The following MCCC2 variants were observed in gnomAD, a reference collection of about 807,000 sequenced individuals.
MCCC2 encodes methylcrotonyl-CoA carboxylase subunit 2.
Under a neutral mutation model 77.2 loss-of-function variants are expected in MCCC2, and 52 were observed. The ratio of observed to expected loss-of-function variants is 0.67; its 90% CI spans 0.54 to 0.85. The LOEUF (loss-of-function observed/expected upper bound fraction) is 0.85, where lower values mean the gene tolerates loss of function less well. Ranked by LOEUF, MCCC2 falls within the 40% of genes least tolerant of loss-of-function variation. MCCC2 has a pLI of 0.00. For synonymous variants in MCCC2, 253 were observed against 248.4 expected (o/e 1.02, Z -0.18); for missense variants, 682 against 703.2 (o/e 0.97, Z 0.34).
At chr5:71,597,897 C>G (rs964241840) in intron 3 of MCCC2, among the ~76,000 whole-genome samples, 1 of 152,136 alleles carries the variant, frequency 6.6e-6, no homozygotes. Flanking sequence ...TGGTTAAGAG[C>G]CTGGCCCCTG....
At chr5:71,612,088 G>C (rs1193265635) in intron 6 of MCCC2, among the ~76,000 whole-genome samples, 1 of 152,140 alleles carries the variant, frequency 6.6e-6, no homozygotes. Context: ...ACAGGCATGA[G>C]CCACCGCGCC....
chr5:71,602,395 T>C, intron 4 of MCCC2, 111 bp from the exon 5 acceptor site: 1 of 1,330,056 alleles, frequency 7.5e-7, no homozygotes, highest in Admixed American at 1.7e-5. Flanking sequence ...TGGATGTTAA[T>C]AGTGATACGT....
In MCCC2 at chr5:71,635,946, G is replaced by A. The variant is rs146872479; in HGVS notation, c.999+700G>A. The A allele has an allele frequency of 7.3e-3, 1,161 of 159,510 alleles. 6 individuals carry two copies. Among genetic ancestry groups the A allele is most frequent in the Non-Finnish European group, 0.012 (900 of 72,556 alleles). 9.9% of individuals were successfully genotyped at this position (159,510 alleles called of 1,614,324 possible). A position where few individuals can be genotyped will look rare whatever the true frequency, so the allele number is the denominator to read the frequency against. On this transcript the variant is annotated intron_variant, in intron 10 of 16. Coordinates refer to ENST00000340941, the MANE Select transcript of MCCC2 (RefSeq NM_022132.5). ...ATACAGAAAAGAAAAAAATTAAATT[G>A]CATATAATTCCACCCTCTAGAGAAG... is the stretch of plus-strand genomic sequence containing the variant.
At chr5:71,632,258 T>A in intron 8 of MCCC2, 73 bp downstream of exon 8, 1 of 1,458,982 alleles carries the variant, frequency 6.9e-7, no homozygotes, top group Non-Finnish European at 9.6e-7. Flanking sequence ...AAGTTTTACG[T>A]ATTTGTTTCC....
intron 16 of MCCC2, 61 bp from the exon 17 acceptor site, chr5:71,656,682 G>A: frequency 1.6e-6 from 2 of 1,279,938 alleles, no homozygotes; most frequent in Non-Finnish European, 2.3e-6. Context: ...TCTGCACATG[G>A]AGAGTGTATA....
chr5:71,610,573 C>T (rs188613720), intron 6 of MCCC2, among the ~76,000 whole-genome samples: 25 of 152,284 alleles, frequency 1.6e-4, no homozygotes, highest in African/African-American at 5.5e-4. Context: ...TGTTCCTATT[C>T]GGCCATCTTG....
intron 15 of MCCC2, among the ~76,000 whole-genome samples, chr5:71,651,712 G>A (rs1747442969): frequency 6.6e-6 from 1 of 152,152 alleles, no homozygotes; most frequent in South Asian, 2.1e-4. Context: ...ATTCACTTTA[G>A]TACCTACTAG....
chr5:71,633,131 A>ATATTTTTTTTTTTTT (rs1554137344), intron 8 of MCCC2, among the ~76,000 whole-genome samples: 11 of 78,080 alleles, frequency 1.4e-4, no homozygotes, highest in African/African-American at 2.5e-4. Flanking sequence ...ATATATATAT[A>ATATTTTTTTTTTTTT]TTTTTATTTT....
Position 71,599,601 on chromosome 5 carries a change from G to A in MCCC2, c.282-58G>A, listed in dbSNP as rs148034436. ...ATCTTTTCCTTTTCCATGTGTAACT[G>A]TTTAAATGTGTAGTTTTTAATGACA... On this transcript the variant is annotated intron_variant, in intron 3 of 16. Transcript: ENST00000340941. The A allele has an allele frequency of 3.9e-4, 521 of 1,350,524 alleles. 1 individual carries two copies. The African/African-American group carries it at 6.3e-3, about 16-fold the overall frequency. The allele number at this position is 1,350,524 out of a possible 1,614,324, so 83.7% of individuals were successfully genotyped here.
chr5:71,617,277 A>G (rs927319975), intron 6 of MCCC2, among the ~76,000 whole-genome samples: 5 of 152,106 alleles, frequency 3.3e-5, no homozygotes, highest in Non-Finnish European at 5.9e-5. Context: ...CACATCTCAA[A>G]TGCCACCCTT....
chr5:71,608,132 G>T (rs1192079534), intron 6 of MCCC2, among the ~76,000 whole-genome samples: 1 of 44,030 alleles, frequency 2.3e-5, no homozygotes, highest in African/African-American at 7.7e-5. Flanking sequence ...GGGTATCCTT[G>T]TTGACTTTCT....
In MCCC2 at chr5:71,656,940, A is replaced by G. The variant is rs1012525911; in HGVS notation, c.*80A>G. The G allele has an allele frequency of 6.6e-6, 7 of 1,053,662 alleles. No homozygotes were observed. The Admixed American group carries it at 1.0e-4, about 15-fold the overall frequency. The allele number at this position is 1,053,662 out of a possible 1,614,324, so 65.3% of individuals were successfully genotyped here. A position where few individuals can be genotyped will look rare whatever the true frequency, so the allele number is the denominator to read the frequency against. On this transcript the variant is annotated 3_prime_UTR_variant, in exon 17 of 17. Coordinates refer to ENST00000340941, the MANE Select transcript of MCCC2 (RefSeq NM_022132.5). ...AGCCTTAAAATTTTAGACTTCTCGA[A>G]CATGAGGCTGTTACAGTAATTTTTT...
intron 12 of MCCC2, among the ~76,000 whole-genome samples, chr5:71,645,892 C>CTGTTACTCTATTCTATAAA (rs1747260881): frequency 2.0e-5 from 3 of 152,168 alleles, no homozygotes; most frequent in Non-Finnish European, 4.4e-5. Flanking sequence ...TAAGGTAAGA[C>CTGTTACTCTATTCTATAAA]TAGCCAAACA....
At chr5:71,621,588 CAA>C (rs1175441378) in intron 6 of MCCC2, among the ~76,000 whole-genome samples, 2 of 152,076 alleles carry the variant, frequency 1.3e-5, no homozygotes, top group Admixed American at 6.5e-5. Flanking sequence ...AGTCTCAAAA[CAA>C]AAAGAGAGAA....
At chr5:71,636,846 C>G (rs1040427001) in intron 10 of MCCC2, 1 of 151,902 alleles carries the variant, frequency 6.6e-6, no homozygotes, top group East Asian at 1.9e-4. Context: ...CAGGTTCAAG[C>G]GATTCTCCTG....
chr5:71,619,367 C>T (rs1418158106), intron 6 of MCCC2, among the ~76,000 whole-genome samples: 1 of 152,142 alleles, frequency 6.6e-6, no homozygotes, highest in Admixed American at 6.5e-5. Context: ...GATCCACCTG[C>T]CTCAGCCTCC....
At position 71,602,357 on chromosome 5, in the gene MCCC2, T is replaced by C. The variant is rs1351370784; in HGVS notation, c.384-149T>C. On this transcript the variant is annotated intron_variant, in intron 4 of 16. Coordinates refer to ENST00000340941, the MANE Select transcript of MCCC2 (RefSeq NM_022132.5). ...ATGTGAACTGTGATTAAAGTTTGCATTTATATCCTAAGACTGCTGTCTGCT... is the reference window on the plus strand; with the variant it reads ...ATGTGAACTGTGATTAAAGTTTGCACTTATATCCTAAGACTGCTGTCTGCT... 13 of 919,300 alleles carry C rather than the reference T, an allele frequency of 1.4e-5. No individual in the cohort carries two copies. The Admixed American group carries it at 2.4e-4, about 17-fold the overall frequency. 56.9% of individuals were successfully genotyped at this position (919,300 alleles called of 1,614,324 possible).
At chr5:71,652,526 C>A in intron 15 of MCCC2, 143 bp from the exon 16 acceptor site, 1 of 723,392 alleles carries the variant, frequency 1.4e-6, no homozygotes. Context: ...TGTTAATGAT[C>A]ACTTGTAATT....
chr5:71,641,285 A>G (rs1747115387), intron 11 of MCCC2: 1 of 573,884 alleles, frequency 1.7e-6, no homozygotes, highest in African/African-American at 1.9e-5. Flanking sequence ...GTTAATAGCT[A>G]GATGCTGTGG....
Sources: gnomAD v4.1 joint callset for allele counts (sites outside exome capture counted in the v4.1 genomes callset) on GRCh38, gnomAD v4.1.1 for gene constraint, MANE v1.5 for transcripts, NCBI Gene and HGNC (gene_info 2026-07-23, HGNC 2026-07-21) for gene names.